TNS4: variants seen among roughly 807,000 people sequenced by gnomAD.
The protein encoded by TNS4 is tensin 4, also known as tensin-4.
Under a neutral mutation model 70.4 loss-of-function variants are expected in TNS4, and 46 were observed. The observed-to-expected ratio is 0.65, with a 90% CI of 0.52 to 0.84. The LOEUF is 0.84. TNS4 is among the 40% of genes least tolerant of loss of function. TNS4 has a pLI of 0.00. For missense variants in TNS4, 863 were observed against 907.0 expected, an observed-to-expected ratio of 0.95 and a Z score of 0.62; for synonymous variants, 390 against 366.6, an observed-to-expected ratio of 1.06 and a Z score of -0.73.
intron 8 of TNS4, among the ~76,000 whole-genome samples, chr17:40,481,813 C>G (rs1465647985): frequency 6.6e-6 from 1 of 152,248 alleles, no homozygotes; most frequent in Non-Finnish European, 1.5e-5. Flanking sequence ...TAGGCTCTTT[C>G]ACCCTCTCAA....
At chr17:40,480,322 T>C (rs779874823) in intron 9 of TNS4, among the ~76,000 whole-genome samples, 5 of 152,090 alleles carry the variant, frequency 3.3e-5, no homozygotes, top group Non-Finnish European at 7.4e-5. Flanking sequence ...ACCTTTCCCC[T>C]GGTGAAGGCT....
At chr17:40,485,892 C>A (rs1229000887) in intron 4 of TNS4, among the ~76,000 whole-genome samples, 4 of 152,250 alleles carry the variant, frequency 2.6e-5, no homozygotes, top group African/African-American at 9.6e-5. Context: ...GCGATCAGGG[C>A]AGATGCAAAG....
At chr17:40,480,094 G>A in intron 9 of TNS4, 1 of 517,684 alleles carries the variant, frequency 1.9e-6, no homozygotes, top group Non-Finnish European at 3.4e-6. Flanking sequence ...AGGGGATGTT[G>A]CCCTGTGTGT....
intron 6 of TNS4, among the ~76,000 whole-genome samples, chr17:40,483,056 C>G (rs1248359893): frequency 6.6e-6 from 1 of 151,396 alleles, no homozygotes; most frequent in Admixed American, 6.6e-5. Context: ...CTTAAGGAAT[C>G]CTCCCACCTC....
intron 4 of TNS4, among the ~76,000 whole-genome samples, chr17:40,485,430 G>T (rs1398352814): frequency 6.6e-6 from 1 of 152,196 alleles, no homozygotes; most frequent in East Asian, 1.9e-4. Context: ...ATTCAGCTTG[G>T]AAAAGAAAAT....
At chr17:40,497,194 G>C (rs369624303) in intron 1 of TNS4, among the ~76,000 whole-genome samples, 15 of 152,334 alleles carry the variant, frequency 9.8e-5, no homozygotes, top group African/African-American at 3.6e-4. Context: ...TAGTTCAGTG[G>C]GGAGGTTAGG....
At chr17:40,483,122 T>G (rs1436984377) in intron 6 of TNS4, among the ~76,000 whole-genome samples, 2 of 152,122 alleles carry the variant, frequency 1.3e-5, no homozygotes, top group Non-Finnish European at 2.9e-5. Context: ...GCTAATTCTT[T>G]TGTAGAGACA....
chr17:40,499,552 G>A (rs1034514113), intron 1 of TNS4, among the ~76,000 whole-genome samples: 2 of 152,216 alleles, frequency 1.3e-5, no homozygotes, highest in Non-Finnish European at 2.9e-5. Context: ...AGAAAAGCCA[G>A]GGCCCCTTCC....
chr17:40,478,409 G>A, intron 11 of TNS4, 76 bp from the exon 12 acceptor site: 1 of 1,578,628 alleles, frequency 6.3e-7, no homozygotes, highest in East Asian at 2.2e-5. Flanking sequence ...CAGCAGGACT[G>A]GCCAGCTGCG....
chr17:40,484,565 T>G lies in TNS4; in HGVS notation c.1420A>C (p.Arg474=). 1 of 1,612,882 alleles carries G rather than the reference T, an allele frequency of 6.2e-7. No individual in the cohort carries two copies. The highest frequency in any genetic ancestry group is 8.5e-7 in the Non-Finnish European group (1 of 1,179,992). The part of the protein sequence containing the change: ...RKEEPGAFVI[R]DSSSYRGSFG... ...GAGCCTCGGTATGAAGAGCTGTCCC[T>G]TATGACAAAAGCCCCTGGCTCCTCC... The change falls in exon 6 of 13, where the codon AGG becomes CGG. Residue 474 remains arginine (R), a synonymous_variant. Coordinates refer to ENST00000254051, the MANE Select transcript of TNS4 (RefSeq NM_032865.6).
At chr17:40,493,928 G>T (rs1567814098) in intron 2 of TNS4, among the ~76,000 whole-genome samples, 1 of 152,280 alleles carries the variant, frequency 6.6e-6, no homozygotes, top group Admixed American at 6.5e-5. Context: ...GCTTGCTCCT[G>T]CCAACAGTAA....
chr17:40,489,193 C>T (rs939595682), intron 2 of TNS4, among the ~76,000 whole-genome samples: 3 of 152,130 alleles, frequency 2.0e-5, no homozygotes, highest in African/African-American at 7.2e-5. Context: ...GGACCCAGGC[C>T]TTGGAATCAG....
chr17:40,482,550 C>A, intron 6 of TNS4, 134 bp from the exon 7 acceptor site: 2 of 661,160 alleles, frequency 3.0e-6, no homozygotes, highest in Non-Finnish European at 2.7e-6. Context: ...TCGAGATCAG[C>A]CTGACCCACA....
intron 10 of TNS4, 143 bp from the exon 11 acceptor site, chr17:40,478,791 T>C (rs1037979012): frequency 1.7e-5 from 15 of 872,342 alleles, no homozygotes; most frequent in Non-Finnish European, 2.3e-5. Context: ...CGCTATGGCC[T>C]TTCCCACTGG....
chr17:40,495,912 T>G, intron 2 of TNS4, 75 bp downstream of exon 2: 1 of 1,504,404 alleles, frequency 6.6e-7, no homozygotes, highest in Non-Finnish European at 8.9e-7. Flanking sequence ...CCCTTCTCTG[T>G]ACATAGGAAA....
At chr17:40,501,247 G>C (rs975858163) in intron 1 of TNS4, among the ~76,000 whole-genome samples, 1 of 152,148 alleles carries the variant, frequency 6.6e-6, no homozygotes, top group East Asian at 1.9e-4. Flanking sequence ...AGGAGTTTGA[G>C]ACCAGCCTGG....
At chr17:40,493,803 A>G (rs2036105910) in intron 2 of TNS4, among the ~76,000 whole-genome samples, 2 of 152,332 alleles carry the variant, frequency 1.3e-5, no homozygotes, top group Admixed American at 1.3e-4. Flanking sequence ...GGAAGGGCCT[A>G]GTTGTCACCA....
intron 2 of TNS4, among the ~76,000 whole-genome samples, chr17:40,494,706 T>C (rs2036119635): frequency 7.4e-6 from 1 of 134,906 alleles, no homozygotes; most frequent in Non-Finnish European, 1.5e-5. Flanking sequence ...CACTCCAGCC[T>C]GGGTGACAGT....
At chr17:40,495,954 C>T (rs201266623) in intron 2 of TNS4, 33 bp downstream of exon 2, 11 of 1,568,532 alleles carry the variant, frequency 7.0e-6, no homozygotes, top group Admixed American at 5.8e-5. Flanking sequence ...TGGCACCAAG[C>T]CCCCCTCCTG....
Sources: allele counts gnomAD v4.1 joint callset (sites outside exome capture counted in the v4.1 genomes callset), GRCh38; gene constraint gnomAD v4.1.1; transcripts MANE v1.5; gene names NCBI Gene and HGNC (gene_info 2026-07-23, HGNC 2026-07-21).